Variants in INSR observed in about 807,000 individuals in gnomAD.
The protein encoded by INSR is IR.
INSR carries 67 observed loss-of-function variants against 142.6 expected under a neutral mutation model. The observed-to-expected ratio is 0.47, with a 90% CI of 0.39 to 0.58. The LOEUF (loss-of-function observed/expected upper bound fraction) is 0.58. INSR is among the 20% of genes least tolerant of loss of function. The pLI, the probability that INSR is intolerant of heterozygous loss-of-function variation, is 0.00. For synonymous variants in INSR, 756 were observed against 743.1 expected, an observed-to-expected ratio of 1.02 and a Z score of -0.28; for missense variants, 1,248 against 1,833.2, an observed-to-expected ratio of 0.68 and a Z score of 5.83.
intron 2 of INSR, among the ~76,000 whole-genome samples, chr19:7,227,768 C>G (rs546498641): frequency 6.6e-6 from 1 of 152,224 alleles, no homozygotes; most frequent in South Asian, 2.1e-4. Flanking sequence ...AAAGGCAGCC[C>G]ACCCTGATGA....
At position 7,197,516 on chromosome 19, in the gene INSR, G is replaced by GGGTGTGTGTGTGTGTGTGTGTGTGT. The variant is rs1974790392; in HGVS notation, c.653-12880_653-12879insACACACACACACACACACACACACC. On this transcript the variant is annotated intron_variant, in intron 2 of 21. Transcript: ENST00000302850. ...TGGCAGGTTCCAGAGTGGGAGTGGGGGTGTGTGTGTGTGTGTGTGTGTGTG... is the reference window on the plus strand; with the variant it reads ...TGGCAGGTTCCAGAGTGGGAGTGGGGGGTGTGTGTGTGTGTGTGTGTGTGTGTGTGTGTGTGTGTGTGTGTGTGTG... 2.1e-4 allele frequency among the ~76,000 whole-genome samples: 15 copies of GGGTGTGTGTGTGTGTGTGTGTGTGT among 70,856 alleles called. 1 individual carries two copies. Among genetic ancestry groups the GGGTGTGTGTGTGTGTGTGTGTGTGT allele is most frequent in the Non-Finnish European group, 2.8e-4 (10 of 35,640 alleles). The allele number at this position is 70,856 out of a possible 152,430, so 46.5% of individuals were successfully genotyped here.
chr19:7,140,673 C>T (rs1410882882), intron 13 of INSR, among the ~76,000 whole-genome samples: 1 of 151,982 alleles, frequency 6.6e-6, no homozygotes, highest in African/African-American at 2.4e-5. Flanking sequence ...TTTGGCATTT[C>T]TGAAATTGGA....
intron 19 of INSR, among the ~76,000 whole-genome samples, chr19:7,121,484 T>G (rs61145147): frequency 0.032 from 4,857 of 152,028 alleles, 265 homozygotes; most frequent in African/African-American, 0.11. Flanking sequence ...TTATTTGTTT[T>G]TTGAAATAGC....
intron 2 of INSR, among the ~76,000 whole-genome samples, chr19:7,187,079 C>G (rs1974451734): frequency 6.6e-6 from 1 of 151,420 alleles, no homozygotes; most frequent in Non-Finnish European, 1.5e-5. Context: ...AGGATTTATT[C>G]TTTTTTAAAA....
At chr19:7,284,972 C>G (rs1009537114) in intron 1 of INSR, among the ~76,000 whole-genome samples, 1 of 152,084 alleles carries the variant, frequency 6.6e-6, no homozygotes, top group Non-Finnish European at 1.5e-5. Flanking sequence ...ACTGAGCATG[C>G]TGGTTTGAGG....
At chr19:7,210,482 TCA>T (rs898031760) in intron 2 of INSR, among the ~76,000 whole-genome samples, 1 of 152,032 alleles carries the variant, frequency 6.6e-6, no homozygotes, top group African/African-American at 2.4e-5. Flanking sequence ...TTCTGGAGTC[TCA>T]GTGTTTGGCA....
chr19:7,153,207 C>A (rs1438764244), intron 9 of INSR, among the ~76,000 whole-genome samples: 1 of 25,524 alleles, frequency 3.9e-5, no homozygotes, highest in Non-Finnish European at 1.2e-4. Context: ...CCACACACAC[C>A]ACACACCACA....
rs1346646115 is a variant in INSR at position 7,113,775 on chromosome 19, C to CTGT, written c.*3278_*3280dup. 6.6e-6 allele frequency: 1 copy of CTGT among 152,148 alleles called. No individual in the cohort carries two copies. The highest frequency in any genetic ancestry group is 2.4e-5 in the African/African-American group (1 of 41,436). The allele number at this position is 152,148 out of a possible 1,614,324, so 9.4% of individuals were successfully genotyped here. A position where few individuals can be genotyped will look rare whatever the true frequency, so the allele number is the denominator to read the frequency against. ...TCAAAGGAGGTTTGCAACCCAATAGCTGTTTGCTCTTTTCACTGTGGCAGT... is the reference window on the plus strand; with the variant it reads ...TCAAAGGAGGTTTGCAACCCAATAGCTGTTGTTTGCTCTTTTCACTGTGGCAGT... On this transcript the variant is annotated 3_prime_UTR_variant, in exon 22 of 22. Coordinates refer to ENST00000302850, the MANE Select transcript of INSR (RefSeq NM_000208.4).
chr19:7,219,586 A>AGG (rs1975548183), intron 2 of INSR, among the ~76,000 whole-genome samples: 1 of 101,824 alleles, frequency 9.8e-6, no homozygotes, highest in Non-Finnish European at 1.8e-5. Context: ...AAGGGAGGGA[A>AGG]GAGAGAGAGA....
intron 13 of INSR, among the ~76,000 whole-genome samples, chr19:7,140,391 T>C (rs1022251315): frequency 5.3e-5 from 8 of 152,340 alleles, no homozygotes; most frequent in Admixed American, 2.0e-4. Context: ...ATATCACCCA[T>C]GGCAGCTTTC....
At position 7,143,564 on chromosome 19, in the gene INSR, G is replaced by A. The variant is rs191708249; in HGVS notation, c.2268-474C>T. 6.5e-3 allele frequency among the ~76,000 whole-genome samples: 987 copies of A among 152,180 alleles called. 7 individuals carry two copies. The highest frequency in any genetic ancestry group is 0.041 in the East Asian group (215 of 5,182). On this transcript the variant is annotated intron_variant, in intron 11 of 21. Coordinates refer to ENST00000302850, the MANE Select transcript of INSR (RefSeq NM_000208.4). ...AAAAATACATCTTTTCCTTCTTATT[G>A]CTGCTTAGGGCACCTGTATAATTTG...
At chr19:7,289,220 T>C (rs1335021076) in intron 1 of INSR, among the ~76,000 whole-genome samples, 1 of 151,568 alleles carries the variant, frequency 6.6e-6, no homozygotes, top group Non-Finnish European at 1.5e-5. Flanking sequence ...GCAGCGGAGA[T>C]GCAAGCCAGA....
chr19:7,292,472 G>GGGA lies in INSR; in HGVS notation c.100+1319_100+1320insTCC, dbSNP rs1158544237. On this transcript the variant is annotated intron_variant, in intron 1 of 21. Transcript: ENST00000302850. ...TCCCAGGCACCTGGGGGCGGGGCTG[G>GGGA]GGGGGGGTGGGCCCGGGGCTTTTAG... 6.1e-5 allele frequency among the ~76,000 whole-genome samples: 9 copies of GGGA among 147,558 alleles called. No homozygotes were observed. In the South Asian group the frequency reaches 1.9e-3, roughly 32 times the overall value.
At chr19:7,151,632 G>C (rs966395132) in intron 10 of INSR, among the ~76,000 whole-genome samples, 1 of 151,432 alleles carries the variant, frequency 6.6e-6, no homozygotes, top group African/African-American at 2.4e-5. Context: ...TTGAAGCCTT[G>C]GCTGTCCCCC....
rs1404915303 is a variant in INSR at position 7,159,519 on chromosome 19, C to T, written c.2029+3513G>A. 2 of 146,582 alleles carry T rather than the reference C, an allele frequency of 1.4e-5. No individual in the cohort carries two copies. The highest frequency in any genetic ancestry group is 5.2e-5 in the African/African-American group (2 of 38,458). The allele number at this position is 146,582 out of a possible 1,614,324, so 9.1% of individuals were successfully genotyped here. On this transcript the variant is annotated intron_variant, in intron 9 of 21. Coordinates refer to ENST00000302850, the MANE Select transcript of INSR (RefSeq NM_000208.4). The surrounding 1 kb of genome is among the most constrained non-coding windows in gnomAD (Gnocchi z 4.3). ...GTCCCTTGGTAATTACAGATTTAGA[C>T]TTTCGGAATTAAAAAAAAAAAAAAG...
chr19:7,213,593 G>A (rs1975346247), intron 2 of INSR, among the ~76,000 whole-genome samples: 1 of 152,194 alleles, frequency 6.6e-6, no homozygotes, highest in African/African-American at 2.4e-5. Context: ...CCATAGCCCA[G>A]TGCATGAGCG....
At chr19:7,224,953 G>A (rs1383394409) in intron 2 of INSR, among the ~76,000 whole-genome samples, 1 of 151,846 alleles carries the variant, frequency 6.6e-6, no homozygotes, top group East Asian at 1.9e-4. Context: ...GGAAAGAAAA[G>A]GGGATGAGAG....
rs79600766 is a variant in INSR at position 7,205,910 on chromosome 19, G to A, written c.653-21273C>T. 4.6e-3 allele frequency among the ~76,000 whole-genome samples: 702 copies of A among 152,120 alleles called. 13 individuals carry two copies. Among genetic ancestry groups the A allele is most frequent in the African/African-American group, 0.016 (679 of 41,508 alleles). On this transcript the variant is annotated intron_variant, in intron 2 of 21. Transcript: ENST00000302850. Reference sequence around the variant, plus strand: ...TCTGAGGCTCTCCCATCAGACCTGCGAGCCACAGCTTCAATAGCCAGCACG... The same window carrying A: ...TCTGAGGCTCTCCCATCAGACCTGCAAGCCACAGCTTCAATAGCCAGCACG...
chr19:7,190,591 T>C (rs1974555453), intron 2 of INSR, among the ~76,000 whole-genome samples: 1 of 152,072 alleles, frequency 6.6e-6, no homozygotes, highest in African/African-American at 2.4e-5. Context: ...AGGCTGGTCT[T>C]GAACTCCTGA....
Sources: allele counts gnomAD v4.1 joint callset (sites outside exome capture counted in the v4.1 genomes callset), GRCh38; gene constraint gnomAD v4.1.1; non-coding constraint Gnocchi (gnomAD v3.1); transcripts MANE v1.5; gene names NCBI Gene and HGNC (gene_info 2026-07-23, HGNC 2026-07-21).